Variants in HECW1 observed in about 807,000 individuals in gnomAD.
HECW1 encodes the protein E3 ubiquitin-protein ligase HECW1.
HECW1 carries 61 observed loss-of-function variants against 182.3 expected under a neutral mutation model. The observed-to-expected ratio is 0.33, with a 90% CI of 0.27 to 0.41. The LOEUF (loss-of-function observed/expected upper bound fraction) is 0.41. HECW1 is among the 10% of genes least tolerant of loss of function. HECW1 has a pLI of 1.00. For synonymous variants in HECW1, 859 were observed against 832.6 expected (o/e 1.03, Z -0.55); for missense variants, 1,739 against 2,108.9 (o/e 0.82, Z 3.44).
chr7:43,490,786 C>A (rs1453206306), intron 17 of HECW1, among the ~76,000 whole-genome samples: 1 of 152,078 alleles, frequency 6.6e-6, no homozygotes, highest in African/African-American at 2.4e-5. Context: ...GAGATAGAGT[C>A]TTGCTGTGTC....
chr7:43,131,993 T>G (rs1456265029), intron 2 of HECW1, among the ~76,000 whole-genome samples: 1 of 152,124 alleles, frequency 6.6e-6, no homozygotes, highest in Non-Finnish European at 1.5e-5. Flanking sequence ...GGGCATCGAG[T>G]GGGGAAAATA....
chr7:43,442,808 A>T (rs1173133653), intron 10 of HECW1, among the ~76,000 whole-genome samples, 179 bp downstream of exon 10: 1 of 152,200 alleles, frequency 6.6e-6, no homozygotes, highest in Non-Finnish European at 1.5e-5. Context: ...TGTCCCCCTG[A>T]TAGAGAAGCT....
At chr7:43,330,079 AT>A (rs1811280548) in intron 5 of HECW1, among the ~76,000 whole-genome samples, 1 of 152,202 alleles carries the variant, frequency 6.6e-6, no homozygotes, top group Admixed American at 6.5e-5. Context: ...AAGGGTGGCC[AT>A]AAATTCCCTG....
At chr7:43,298,123 T>G (rs1806270132) in intron 3 of HECW1, among the ~76,000 whole-genome samples, 1 of 152,208 alleles carries the variant, frequency 6.6e-6, no homozygotes, top group Non-Finnish European at 1.5e-5. Context: ...ACTTAGAGTA[T>G]GTGCCCTGGT....
chr7:43,127,265 T>C lies in HECW1; in HGVS notation c.-32+12874T>C, dbSNP rs1210167606. Among the ~76,000 whole-genome samples, 3 of 152,206 alleles carry C rather than the reference T, an allele frequency of 2.0e-5. No individual in the cohort carries two copies. In the East Asian group the frequency reaches 5.8e-4, roughly 29 times the overall value. ...CTGGCCGGGCAAGGTAGCTCATGCCTGTAATCCCAGCACTTTGGGAGGCCG... is the reference window on the plus strand; with the variant it reads ...CTGGCCGGGCAAGGTAGCTCATGCCCGTAATCCCAGCACTTTGGGAGGCCG... On this transcript the variant is annotated intron_variant, in intron 2 of 29. Coordinates refer to ENST00000395891, the MANE Select transcript of HECW1 (RefSeq NM_015052.5).
rs1800192727 is a variant in HECW1, at chr7:43,252,955, C to A, written c.27+9023C>A. ...GCTGACACGGGAGTCCAGTGGCCAACCTTGGTTAGAGTTCAACTTTGCTTC... is the reference window on the plus strand; with the variant it reads ...GCTGACACGGGAGTCCAGTGGCCAAACTTGGTTAGAGTTCAACTTTGCTTC... On this transcript the variant is annotated intron_variant, in intron 3 of 29. Coordinates refer to ENST00000395891, the MANE Select transcript of HECW1 (RefSeq NM_015052.5). Among the ~76,000 whole-genome samples, 6 of 152,136 alleles carry A rather than the reference C, an allele frequency of 3.9e-5. No individual in the cohort carries two copies. In the South Asian group the frequency reaches 1.2e-3, roughly 31 times the overall value.
intron 7 of HECW1, among the ~76,000 whole-genome samples, chr7:43,402,018 T>C (rs1341543139): frequency 6.6e-6 from 1 of 151,144 alleles, no homozygotes; most frequent in East Asian, 2.0e-4. Context: ...GAAGAGGAGA[T>C]TGGCCGAGGG....
At chr7:43,519,865 A>G (rs1039313687) in intron 24 of HECW1, among the ~76,000 whole-genome samples, 5 of 152,330 alleles carry the variant, frequency 3.3e-5, no homozygotes, top group Non-Finnish European at 7.3e-5. Context: ...GAGATATGTA[A>G]ATATAAATAT....
intron 3 of HECW1, among the ~76,000 whole-genome samples, chr7:43,307,891 T>C (rs867424033): frequency 5.4e-3 from 354 of 66,164 alleles, no homozygotes; most frequent in Non-Finnish European, 6.5e-3. Context: ...TATATATATA[T>C]ATATACACAT....
rs753819023 is a variant in HECW1, at chr7:43,442,510, G to A, written c.945-19G>A. ...GAGAGGTATTGACCAGAACTGTGATGGTGCTTATTTCCTTCTAGGGATAGG... is the reference window on the plus strand; with the variant it reads ...GAGAGGTATTGACCAGAACTGTGATAGTGCTTATTTCCTTCTAGGGATAGG... On this transcript the variant is annotated intron_variant, in intron 9 of 29. Transcript: ENST00000395891. 3 of 1,562,278 alleles carry A rather than the reference G, an allele frequency of 1.9e-6. No homozygotes were observed. The South Asian group carries it at 3.4e-5, about 17-fold the overall frequency.
chr7:43,119,622 C>T (rs568614801), intron 2 of HECW1, among the ~76,000 whole-genome samples: 52 of 152,282 alleles, frequency 3.4e-4, no homozygotes, highest in African/African-American at 1.2e-3. Context: ...AAAATGCAAC[C>T]GCCCAGCATC....
intron 2 of HECW1, among the ~76,000 whole-genome samples, chr7:43,239,432 T>C (rs1468915789): frequency 1.3e-5 from 2 of 152,188 alleles, no homozygotes; most frequent in Non-Finnish European, 2.9e-5. Context: ...ACCGGGTTGG[T>C]TGGTCTGTCG....
Position 43,479,696 on chromosome 7 carries a change from A to G in HECW1, c.3186A>G (p.Leu1062=), listed in dbSNP as rs893635343. The G allele has an allele frequency of 6.2e-7, 1 of 1,613,770 alleles. No homozygotes were observed. The highest frequency in any genetic ancestry group is 1.3e-5 in the African/African-American group (1 of 74,806). ...PLQNGRLPNH[L]THRQHLQRLR... Reference sequence around the variant, plus strand: ...AGAACGGTCGTCTTCCCAATCATCTAACTCACCGACAGCACCTCCAGAGGC... The same window carrying G: ...AGAACGGTCGTCTTCCCAATCATCTGACTCACCGACAGCACCTCCAGAGGC... Residue 1062 remains leucine (L), a synonymous_variant, in exon 17 of 30, where the codon CTA becomes CTG. Coordinates refer to ENST00000395891, the MANE Select transcript of HECW1 (RefSeq NM_015052.5).
In HECW1 at chr7:43,407,581, G is replaced by A. The variant is rs866714710; in HGVS notation, c.651G>A (p.Leu217=). 6.2e-7 allele frequency: 1 copy of A among 1,613,064 alleles called. No individual in the cohort carries two copies. Among genetic ancestry groups the A allele is most frequent in the East Asian group, 2.2e-5 (1 of 44,866 alleles). ...TTATAGATTTCCAAGCCATGGGGTT[G>A]AAGAAAGGGATGTTTTTCAACCCAG... ...FSLSDFQAMG[L]KKGMFFNPDP... Residue 217 remains leucine (L), a synonymous_variant, in exon 8 of 30, where the codon TTG becomes TTA. Coordinates refer to ENST00000395891, the MANE Select transcript of HECW1 (RefSeq NM_015052.5).
At chr7:43,219,754 C>T (rs1796791874) in intron 2 of HECW1, among the ~76,000 whole-genome samples, 1 of 152,178 alleles carries the variant, frequency 6.6e-6, no homozygotes, top group African/African-American at 2.4e-5. Context: ...TCTTTAATTA[C>T]CAGCCCAGGG....
intron 3 of HECW1, among the ~76,000 whole-genome samples, chr7:43,260,838 A>G (rs1455875458): frequency 6.6e-6 from 1 of 152,202 alleles, no homozygotes; most frequent in African/African-American, 2.4e-5. Flanking sequence ...TTACTGATGA[A>G]GGAAACTGTG....
intron 8 of HECW1, among the ~76,000 whole-genome samples, chr7:43,420,307 A>G (rs945330535): frequency 6.6e-6 from 1 of 152,208 alleles, no homozygotes; most frequent in Non-Finnish European, 1.5e-5. Flanking sequence ...GACATTTTCA[A>G]TCCAATAGAG....
chr7:43,237,843 G>A (rs1020391516), intron 2 of HECW1, among the ~76,000 whole-genome samples: 3 of 144,428 alleles, frequency 2.1e-5, no homozygotes, highest in Non-Finnish European at 3.0e-5. Flanking sequence ...CCCCCCCGCC[G>A]CCCCCACTTG....
intron 3 of HECW1, among the ~76,000 whole-genome samples, chr7:43,293,219 CA>C (rs34748611): frequency 0.017 from 1,333 of 76,526 alleles, 4 homozygotes; most frequent in Admixed American, 0.023. Context: ...GACTATGTCT[CA>C]AAAAAAAAAA....
Sources: allele counts gnomAD v4.1 joint callset (sites outside exome capture counted in the v4.1 genomes callset), GRCh38; gene constraint gnomAD v4.1.1; transcripts MANE v1.5; gene names NCBI Gene and HGNC (gene_info 2026-07-23, HGNC 2026-07-21).